Variants in ZDHHC14 observed in about 807,000 individuals in gnomAD.
ZDHHC14 encodes zDHHC palmitoyltransferase 14.
In ZDHHC14, 16 loss-of-function variants were observed where a neutral mutation model predicts 47.7. The ratio of observed to expected loss-of-function variants is 0.34; its 90% CI spans 0.23 to 0.51. The LOEUF (loss-of-function observed/expected upper bound fraction) is 0.51. ZDHHC14 is among the 20% of genes least tolerant of loss of function. The probability of loss-of-function intolerance (pLI) is 0.97; values close to 1 mark genes in which losing one functional copy is unlikely to be tolerated. For missense variants in ZDHHC14, 515 were observed against 662.5 expected (o/e 0.78, Z 2.44); for synonymous variants, 293 against 278.9 (o/e 1.05, Z -0.50).
intron 1 of ZDHHC14, among the ~76,000 whole-genome samples, chr6:157,520,254 C>G (rs1048998513): frequency 3.9e-5 from 6 of 152,320 alleles, no homozygotes; most frequent in African/African-American, 1.2e-4. Flanking sequence ...CCCCTCTGCT[C>G]TTGCCCACAA....
intron 1 of ZDHHC14, among the ~76,000 whole-genome samples, chr6:157,398,862 A>G (rs1239551077): frequency 6.6e-6 from 1 of 152,244 alleles, no homozygotes; most frequent in Admixed American, 6.5e-5. Flanking sequence ...AGAAGAGGAA[A>G]AGCTCTATGT....
At chr6:157,517,049 T>C (rs1385556807) in intron 1 of ZDHHC14, among the ~76,000 whole-genome samples, 1 of 148,796 alleles carries the variant, frequency 6.7e-6, no homozygotes, top group East Asian at 1.9e-4. Flanking sequence ...TTTTATACCG[T>C]GGTTGTACCC....
chr6:157,590,741 G>A (rs1783877009), intron 2 of ZDHHC14, among the ~76,000 whole-genome samples: 1 of 152,230 alleles, frequency 6.6e-6, no homozygotes. Flanking sequence ...GCTGTGAGAA[G>A]AGGGCCACCA....
intron 1 of ZDHHC14, among the ~76,000 whole-genome samples, chr6:157,420,699 G>A (rs1045168744): frequency 1.3e-5 from 2 of 152,178 alleles, no homozygotes; most frequent in Non-Finnish European, 2.9e-5. Context: ...TGCTCTCTAC[G>A]AGCATAGGTC....
intron 3 of ZDHHC14, among the ~76,000 whole-genome samples, chr6:157,594,343 G>C (rs1047339007): frequency 4.6e-5 from 7 of 152,160 alleles, no homozygotes; most frequent in African/African-American, 1.7e-4. Context: ...AGAACAGTAT[G>C]GAATGGGTTC....
At chr6:157,651,099 T>G (rs1163023368) in intron 7 of ZDHHC14, among the ~76,000 whole-genome samples, 1 of 152,240 alleles carries the variant, frequency 6.6e-6, no homozygotes, top group Non-Finnish European at 1.5e-5. Context: ...CTGTAGTAGT[T>G]TCCTAGGGCA....
chr6:157,530,378 A>G (rs371293929), intron 1 of ZDHHC14, among the ~76,000 whole-genome samples: 1 of 152,312 alleles, frequency 6.6e-6, no homozygotes, highest in Admixed American at 6.5e-5. Context: ...AGTCGATACC[A>G]CGGGCATTGT....
rs556828230 is a variant in ZDHHC14 at position 157,639,309 on chromosome 6, T to C, written c.752+6427T>C. 1.2e-3 allele frequency among the ~76,000 whole-genome samples: 188 copies of C among 152,174 alleles called. 3 individuals carry two copies. The South Asian group carries it at 0.015, about 12-fold the overall frequency. On this transcript the variant is annotated intron_variant, in intron 5 of 8. Coordinates refer to ENST00000359775, the MANE Select transcript of ZDHHC14 (RefSeq NM_024630.3). Reference sequence around the variant, plus strand: ...TTGTTTTAAAGAACATTTTTTTCTTTTGTTGTTGTTGTTGAGATGGCGTCT... The same window carrying C: ...TTGTTTTAAAGAACATTTTTTTCTTCTGTTGTTGTTGTTGAGATGGCGTCT...
At chr6:157,588,744 A>T (rs1472557036) in intron 2 of ZDHHC14, among the ~76,000 whole-genome samples, 1 of 152,186 alleles carries the variant, frequency 6.6e-6, no homozygotes, top group Non-Finnish European at 1.5e-5. Context: ...GTATTTGAGT[A>T]CATAATAAAG....
At chr6:157,421,785 T>C (rs1044058471) in intron 1 of ZDHHC14, among the ~76,000 whole-genome samples, 9 of 152,022 alleles carry the variant, frequency 5.9e-5, no homozygotes, top group African/African-American at 2.2e-4. Flanking sequence ...TTTTTGTGTT[T>C]TTAGTAGAGA....
intron 1 of ZDHHC14, among the ~76,000 whole-genome samples, chr6:157,486,026 G>A (rs1004322736): frequency 6.6e-6 from 1 of 152,164 alleles, no homozygotes; most frequent in African/African-American, 2.4e-5. Context: ...TCAAAAGAAA[G>A]AATGTTTCTA....
intron 1 of ZDHHC14, among the ~76,000 whole-genome samples, chr6:157,435,464 A>G (rs1361730451): frequency 6.6e-6 from 1 of 152,216 alleles, no homozygotes; most frequent in Non-Finnish European, 1.5e-5. Flanking sequence ...GTGCCTCTTA[A>G]TTAATGGCAG....
In ZDHHC14 at chr6:157,422,936, G is replaced by A. The variant is rs1204361483; in HGVS notation, c.245+40670G>A. Among the ~76,000 whole-genome samples, 3 of 152,164 alleles carry A rather than the reference G, an allele frequency of 2.0e-5. No individual in the cohort carries two copies. In the East Asian group the frequency reaches 5.8e-4, roughly 29 times the overall value. ...TATAGGAAAAGCAGCTGAAATGTGT[G>A]TGCTTTACTAACTTTACTTCCCCTC... On this transcript the variant is annotated intron_variant, in intron 1 of 8. Transcript: ENST00000359775.
At chr6:157,468,827 T>G (rs181192088) in intron 1 of ZDHHC14, among the ~76,000 whole-genome samples, 2 of 152,308 alleles carry the variant, frequency 1.3e-5, no homozygotes, top group East Asian at 3.9e-4. Context: ...TCCTACAAAG[T>G]AGATATTTTG....
At chr6:157,665,358 G>T (rs1452156286) in intron 8 of ZDHHC14, among the ~76,000 whole-genome samples, 2 of 152,132 alleles carry the variant, frequency 1.3e-5, no homozygotes, top group Non-Finnish European at 2.9e-5. Context: ...TAGCCGTGGG[G>T]TGTGACTACT....
chr6:157,542,847 GGGAA>G, intron 2 of ZDHHC14, 102 bp downstream of exon 2: 1 of 1,403,482 alleles, frequency 7.1e-7, no homozygotes, highest in Non-Finnish European at 9.5e-7. Context: ...GCTGAGCGCT[GGGAA>G]GGAAGGAGGC....
chr6:157,579,472 C>T (rs1340052606), intron 2 of ZDHHC14, among the ~76,000 whole-genome samples: 1 of 152,110 alleles, frequency 6.6e-6, no homozygotes, highest in African/African-American at 2.4e-5. Context: ...GCTGGGATTA[C>T]AGGCATGAGC....
intron 2 of ZDHHC14, among the ~76,000 whole-genome samples, chr6:157,563,360 C>T (rs965384614): frequency 1.3e-5 from 2 of 152,218 alleles, no homozygotes; most frequent in South Asian, 2.1e-4. Flanking sequence ...GGAGCAGGTC[C>T]GGGTGATGTG....
At chr6:157,607,483 T>C (rs1784587044) in intron 3 of ZDHHC14, among the ~76,000 whole-genome samples, 1 of 152,184 alleles carries the variant, frequency 6.6e-6, no homozygotes, top group African/African-American at 2.4e-5. Flanking sequence ...AACACAGTTG[T>C]GCAGCATGCA....
Sources: gnomAD v4.1 joint callset for allele counts (sites outside exome capture counted in the v4.1 genomes callset) on GRCh38, gnomAD v4.1.1 for gene constraint, MANE v1.5 for transcripts, NCBI Gene and HGNC (gene_info 2026-07-23, HGNC 2026-07-21) for gene names.